Variants in ARPP21 observed in about 807,000 individuals in gnomAD.
ARPP21 encodes the protein cAMP-regulated phosphoprotein 21.
In ARPP21, 69 loss-of-function variants were observed where a neutral mutation model predicts 113.2. That is an observed-to-expected ratio of 0.61 (90% CI 0.50 to 0.74). The LOEUF (loss-of-function observed/expected upper bound fraction) is 0.74. ARPP21 is among the 30% of genes least tolerant of loss of function. The pLI is 0.00. For synonymous variants in ARPP21, 368 were observed against 375.5 expected (o/e 0.98, Z 0.23); for missense variants, 1,070 against 1,037.4 (o/e 1.03, Z -0.43).
At chr3:35,698,980 C>T (rs1374612175) in intron 9 of ARPP21, among the ~76,000 whole-genome samples, 1 of 151,648 alleles carries the variant, frequency 6.6e-6, no homozygotes, top group Non-Finnish European at 1.5e-5. Context: ...AAAATCATTT[C>T]TCAAGTGTTC....
chr3:35,695,312 T>C (rs999535208), intron 9 of ARPP21, among the ~76,000 whole-genome samples: 4 of 151,592 alleles, frequency 2.6e-5, no homozygotes, highest in Admixed American at 6.6e-5. Flanking sequence ...TTTGCAGTCA[T>C]ATAATATACA....
intron 11 of ARPP21, among the ~76,000 whole-genome samples, chr3:35,711,521 T>C (rs2091120216): frequency 6.6e-6 from 1 of 152,146 alleles, no homozygotes; most frequent in South Asian, 2.1e-4. Flanking sequence ...AACAAAAAAT[T>C]CCAAAATTTG....
chr3:35,723,137 G>C (rs143497191), intron 14 of ARPP21, among the ~76,000 whole-genome samples: 1 of 152,256 alleles, frequency 6.6e-6, no homozygotes, highest in East Asian at 1.9e-4. Context: ...CAAGGCAGGA[G>C]TGGGATGAAG....
chr3:35,680,480 T>C (rs2078584987), intron 2 of ARPP21, among the ~76,000 whole-genome samples: 2 of 151,930 alleles, frequency 1.3e-5, no homozygotes, highest in South Asian at 4.1e-4. Context: ...TGTTTTGTCA[T>C]GGTAGATTTT....
intron 9 of ARPP21, among the ~76,000 whole-genome samples, chr3:35,695,100 T>C (rs959451120): frequency 3.0e-4 from 45 of 151,468 alleles, no homozygotes; most frequent in Non-Finnish European, 1.2e-4. Context: ...CCTCTTCATT[T>C]TGTTATTACA....
chr3:35,661,274 A>G (rs1403750204), intron 1 of ARPP21, among the ~76,000 whole-genome samples: 1 of 152,186 alleles, frequency 6.6e-6, no homozygotes, highest in African/African-American at 2.4e-5. Context: ...ATTCATTGTC[A>G]TAGTATGAAA....
chr3:35,794,015 G>A lies in ARPP21; in HGVS notation c.*57G>A. On this transcript the variant is annotated 3_prime_UTR_variant, in exon 21 of 21. Transcript: ENST00000684406. ...TTTCTCATGGCCTTTGATGGAAGAGGAACAAGGTGGGAAAACTGGCTGAGG... is the reference window on the plus strand; with the variant it reads ...TTTCTCATGGCCTTTGATGGAAGAGAAACAAGGTGGGAAAACTGGCTGAGG... 2 of 1,507,112 alleles carry A rather than the reference G, an allele frequency of 1.3e-6. No homozygotes were observed. Among genetic ancestry groups the A allele is most frequent in the Non-Finnish European group, 1.8e-6 (2 of 1,105,970 alleles). The allele number at this position is 1,507,112 out of a possible 1,614,324, so 93.4% of individuals were successfully genotyped here.
chr3:35,704,678 T>C (rs2088000337), intron 9 of ARPP21, among the ~76,000 whole-genome samples: 1 of 152,042 alleles, frequency 6.6e-6, no homozygotes, highest in Non-Finnish European at 1.5e-5. Context: ...GATTTAAAAT[T>C]TGATATATTA....
At chr3:35,701,566 G>T (rs7349512) in intron 9 of ARPP21, among the ~76,000 whole-genome samples, 1 of 151,166 alleles carries the variant, frequency 6.6e-6, no homozygotes, top group Admixed American at 6.6e-5. Flanking sequence ...TTAAAACTTC[G>T]TATTTTCCCC....
chr3:35,694,414 C>A (rs887881507), intron 9 of ARPP21, among the ~76,000 whole-genome samples: 1 of 151,384 alleles, frequency 6.6e-6, no homozygotes, highest in Non-Finnish European at 1.5e-5. Flanking sequence ...TTTCGCCAAG[C>A]ACTTTACATC....
At chr3:35,787,113 A>G (rs977217072) in intron 19 of ARPP21, among the ~76,000 whole-genome samples, 2 of 152,174 alleles carry the variant, frequency 1.3e-5, no homozygotes, top group Non-Finnish European at 2.9e-5. Flanking sequence ...TGAATTCCAA[A>G]ATTAGAAGTG....
intron 13 of ARPP21, 123 bp downstream of exon 13, chr3:35,717,480 G>T: frequency 1.6e-6 from 1 of 639,856 alleles, no homozygotes; most frequent in Non-Finnish European, 2.8e-6. Context: ...TTATCTCTTT[G>T]TAAAGCTTGT....
At chr3:35,763,646 A>G (rs560974947) in intron 19 of ARPP21, among the ~76,000 whole-genome samples, 3 of 152,250 alleles carry the variant, frequency 2.0e-5, no homozygotes, top group Admixed American at 6.5e-5. Flanking sequence ...AATTGAATAG[A>G]TATTACAGAA....
At position 35,766,989 on chromosome 3, in the gene ARPP21, T is replaced by C. The variant is rs555113904; in HGVS notation, c.2137+23024T>C. 2.0e-5 allele frequency among the ~76,000 whole-genome samples: 3 copies of C among 152,300 alleles called. No homozygotes were observed. In the South Asian group the frequency reaches 6.2e-4, roughly 32 times the overall value. ...CTATAATGGTGTGAGCATTAAATGC[T>C]TGGAATTGGGGTTAAACTTCATTTA... On this transcript the variant is annotated intron_variant, in intron 19 of 20. Coordinates refer to ENST00000684406, the MANE Select transcript of ARPP21 (RefSeq NM_001385562.1).
At chr3:35,684,395 A>G (rs2079912170) in intron 5 of ARPP21, 1 of 980,360 alleles carries the variant, frequency 1.0e-6, no homozygotes, top group Non-Finnish European at 1.2e-6. Flanking sequence ...ATCACTGCAT[A>G]TTTTTACCCT....
chr3:35,684,067 TA>T, intron 5 of ARPP21: 1 of 1,593,486 alleles, frequency 6.3e-7, no homozygotes. Context: ...GAATTTAGAT[TA>T]AAAGTTAAAT....
At chr3:35,744,517 G>A (rs1237736541) in intron 19 of ARPP21, 1 of 530,508 alleles carries the variant, frequency 1.9e-6, no homozygotes, top group South Asian at 1.4e-5. Flanking sequence ...ACGAGAGTGA[G>A]TAGCAGGTCT....
chr3:35,743,093 T>G (rs147296875), intron 18 of ARPP21, among the ~76,000 whole-genome samples: 146 of 152,336 alleles, frequency 9.6e-4, no homozygotes, highest in African/African-American at 3.4e-3. Context: ...TTTTGAATAG[T>G]GGTGTGTACC....
intron 1 of ARPP21, 74 bp from the exon 2 acceptor site, chr3:35,679,713 C>A (rs750717719): frequency 6.6e-6 from 1 of 151,792 alleles, no homozygotes; most frequent in African/African-American, 2.4e-5. Context: ...TTAGAAACCC[C>A]GTCTTATTTA....
Sources: gnomAD v4.1 joint callset for allele counts (sites outside exome capture counted in the v4.1 genomes callset) on GRCh38, gnomAD v4.1.1 for gene constraint, MANE v1.5 for transcripts, NCBI Gene and HGNC (gene_info 2026-07-23, HGNC 2026-07-21) for gene names.